Variants in MOXD1 observed in about 807,000 individuals in gnomAD.
The protein encoded by MOXD1 is monooxygenase DBH like 1.
A neutral mutation model predicts 66.6 loss-of-function variants in MOXD1; 62 were observed. The observed-to-expected ratio is 0.93, with a 90% CI of 0.76 to 1.15. The LOEUF (loss-of-function observed/expected upper bound fraction) is 1.15, where lower values mean the gene tolerates loss of function less well. Among genes scored for constraint, MOXD1 ranks in the 50% most tolerant of loss-of-function variants. The pLI is 0.00. For synonymous variants in MOXD1, 303 were observed against 281.9 expected (o/e 1.07, Z -0.75); for missense variants, 847 against 754.6 (o/e 1.12, Z -1.44).
At chr6:132,326,262 CT>C in intron 6 of MOXD1, among the ~76,000 whole-genome samples, 1 of 151,864 alleles carries the variant, frequency 6.6e-6, no homozygotes, top group East Asian at 1.9e-4. Flanking sequence ...AAAATTTGGT[CT>C]AATTATGTAC....
Position 132,297,178 on chromosome 6 carries a change from C to T in MOXD1, c.1817G>A (p.Cys606Tyr). 1 of 1,613,380 alleles carries T rather than the reference C, an allele frequency of 6.2e-7. No homozygotes were observed. Among genetic ancestry groups the T allele is most frequent in the Non-Finnish European group, 8.5e-7 (1 of 1,179,560 alleles). Reference sequence around the variant, plus strand: ...TCACAAGCTCTTGGTGCTCAGCGTGCAGCTGAGTAGCAGAAGGCAAACAAG... The same window carrying T: ...TCACAAGCTCTTGGTGCTCAGCGTGTAGCTGAGTAGCAGAAGGCAAACAAG... ...NLLVCLLLLS[C>Y]TLSTKSL Residue 606 changes from cysteine to tyrosine, a missense_variant, in exon 12 of 12, where the codon TGC becomes TAC. Cys to Tyr is a radical substitution (Grantham distance 194). Coordinates refer to ENST00000367963, the MANE Select transcript of MOXD1 (RefSeq NM_015529.4).
chr6:132,378,499 T>C (rs1417982268), intron 1 of MOXD1, among the ~76,000 whole-genome samples: 1 of 151,502 alleles, frequency 6.6e-6, no homozygotes, highest in Non-Finnish European at 1.5e-5. Flanking sequence ...AAAATACTGA[T>C]TGTAAAAGAA....
At chr6:132,386,899 TG>T (rs1250461660) in intron 1 of MOXD1, among the ~76,000 whole-genome samples, 1 of 151,276 alleles carries the variant, frequency 6.6e-6, no homozygotes, top group Admixed American at 6.6e-5. Context: ...TTCTTTCTTC[TG>T]GGGCTTAATA....
intron 1 of MOXD1, among the ~76,000 whole-genome samples, chr6:132,385,066 G>C (rs182558498): frequency 1.3e-3 from 194 of 152,288 alleles, no homozygotes; most frequent in Middle Eastern, 6.8e-3. Flanking sequence ...AATAGAACTT[G>C]ACGATGGGTT....
intron 1 of MOXD1, among the ~76,000 whole-genome samples, chr6:132,393,719 A>G (rs187660238): frequency 3.3e-5 from 5 of 152,270 alleles, no homozygotes; most frequent in African/African-American, 1.2e-4. Flanking sequence ...CCCTGCCAGA[A>G]TGTGTTCTGC....
intron 1 of MOXD1, among the ~76,000 whole-genome samples, chr6:132,380,331 T>C (rs1776483240): frequency 2.0e-5 from 3 of 152,212 alleles, no homozygotes; most frequent in Admixed American, 1.3e-4. Flanking sequence ...AGGTTACCTA[T>C]TATCAATCTC....
At position 132,354,832 on chromosome 6, in the gene MOXD1, C is replaced by T. The variant is rs186217976; in HGVS notation, c.663+17776G>A. 3.3e-5 allele frequency among the ~76,000 whole-genome samples: 5 copies of T among 152,212 alleles called. No homozygotes were observed. In the East Asian group the frequency reaches 9.7e-4, roughly 29 times the overall value. ...TCTCCTTGGAAGGGTCTTGCTGCAG[C>T]TGCTGTGGGGAATGGGGGTGAGGTT... is the stretch of plus-strand genomic sequence containing the variant. On this transcript the variant is annotated intron_variant, in intron 4 of 11. Transcript: ENST00000367963.
At chr6:132,373,947 T>C (rs1243913136) in intron 2 of MOXD1, among the ~76,000 whole-genome samples, 1 of 152,240 alleles carries the variant, frequency 6.6e-6, no homozygotes, top group African/African-American at 2.4e-5. Flanking sequence ...TCACTCTTTA[T>C]GCTGAATGTT....
intron 1 of MOXD1, chr6:132,391,991 A>C: frequency 1.8e-6 from 1 of 548,368 alleles, no homozygotes; most frequent in Non-Finnish European, 3.1e-6. Flanking sequence ...GTTGCCTGGA[A>C]ATTGGGGGGC....
intron 4 of MOXD1, among the ~76,000 whole-genome samples, chr6:132,359,449 G>A (rs184314653): frequency 8.0e-4 from 120 of 150,408 alleles, no homozygotes; most frequent in African/African-American, 2.8e-3. Flanking sequence ...CTATTTTAGA[G>A]AATATGATAC....
intron 1 of MOXD1, chr6:132,390,411 A>T (rs1294726594): frequency 6.6e-6 from 1 of 151,496 alleles, no homozygotes; most frequent in Non-Finnish European, 1.5e-5. Flanking sequence ...ATAGCCACAC[A>T]GACACACTGC....
chr6:132,360,552 A>G (rs1467416087), intron 4 of MOXD1, among the ~76,000 whole-genome samples: 8 of 151,602 alleles, frequency 5.3e-5, no homozygotes, highest in African/African-American at 1.5e-4. Flanking sequence ...TCCCCAAATT[A>G]TTCTTTCCAT....
intron 10 of MOXD1, among the ~76,000 whole-genome samples, chr6:132,313,788 G>C (rs992681216): frequency 3.9e-5 from 6 of 152,012 alleles, no homozygotes; most frequent in Non-Finnish European, 8.8e-5. Flanking sequence ...GGTGGCGAGC[G>C]CCTGTAATCC....
rs1466391326 is a variant in MOXD1, at chr6:132,401,256, T to C, written c.171A>G (p.Ala57=). ...GCGAGAAGCCGAAGCCCACGTAGCC[T>C]GCAGTGCGCACCTGGAGGCGGAAGG... The part of the protein sequence containing the change: ...QIAFRLQVRT[A]GYVGFGFSPT... The change falls in exon 1 of 12, where the codon GCA becomes GCG. Residue 57 remains alanine (A), a synonymous_variant. Coordinates refer to ENST00000367963, the MANE Select transcript of MOXD1 (RefSeq NM_015529.4). The C allele has an allele frequency of 6.3e-7, 1 of 1,596,030 alleles. No homozygotes were observed. Among genetic ancestry groups the C allele is most frequent in the South Asian group, 1.1e-5 (1 of 89,644 alleles).
chr6:132,385,098 G>A (rs1367169095), intron 1 of MOXD1, among the ~76,000 whole-genome samples: 2 of 152,032 alleles, frequency 1.3e-5, no homozygotes, highest in South Asian at 2.1e-4. Context: ...GTGAAGGAAG[G>A]AGCAGAAAGA....
In MOXD1 at chr6:132,377,625, C is replaced by T. The variant is rs556285550; in HGVS notation, c.265-2848G>A. Among the ~76,000 whole-genome samples, 15 of 152,250 alleles carry T rather than the reference C, an allele frequency of 9.9e-5. No individual in the cohort carries two copies. In the South Asian group the frequency reaches 2.1e-3, roughly 21 times the overall value. ...CTCAACTTATGTTGATGACCCCTTG[C>T]GCCATCTGCCCTATGTAACCAAGTG... On this transcript the variant is annotated intron_variant, in intron 1 of 11. Transcript: ENST00000367963.
At chr6:132,374,257 A>G (rs1433478080) in intron 2 of MOXD1, among the ~76,000 whole-genome samples, 1 of 152,216 alleles carries the variant, frequency 6.6e-6, no homozygotes, top group Non-Finnish European at 1.5e-5. Flanking sequence ...CAGATGAATT[A>G]TATCCTAATA....
intron 4 of MOXD1, among the ~76,000 whole-genome samples, chr6:132,331,739 TGGGAAAG>T (rs1775323440): frequency 6.6e-6 from 1 of 152,128 alleles, no homozygotes; most frequent in Non-Finnish European, 1.5e-5. Flanking sequence ...GTACCACAGC[TGGGAAAG>T]GGTGATGGGA....
At chr6:132,383,537 C>T (rs1776553047) in intron 1 of MOXD1, among the ~76,000 whole-genome samples, 3 of 152,172 alleles carry the variant, frequency 2.0e-5, no homozygotes, top group Non-Finnish European at 2.9e-5. Context: ...TTAAGTGTCA[C>T]CTTCTAAAAA....
Sources: gnomAD v4.1 joint callset for allele counts (sites outside exome capture counted in the v4.1 genomes callset) on GRCh38, gnomAD v4.1.1 for gene constraint, MANE v1.5 for transcripts, NCBI Gene and HGNC (gene_info 2026-07-23, HGNC 2026-07-21) for gene names.